The following ZBBX variants were observed in gnomAD, a reference collection of about 807,000 sequenced individuals.
The protein encoded by ZBBX is zinc finger B-box domain-containing protein 1.
Under a neutral mutation model 108.5 loss-of-function variants are expected in ZBBX, and 101 were observed. The observed-to-expected ratio is 0.93, with a 90% confidence interval of 0.79 to 1.10. ZBBX has a LOEUF of 1.10. Among genes scored for constraint, ZBBX ranks in the 50% least tolerant of loss-of-function variants. ZBBX has a pLI of 0.00. For synonymous variants in ZBBX, 356 were observed against 323.4 expected, an observed-to-expected ratio of 1.10 and a Z score of -1.08; for missense variants, 1,009 against 941.4, an observed-to-expected ratio of 1.07 and a Z score of -0.94.
intron 17 of ZBBX, among the ~76,000 whole-genome samples, chr3:167,303,182 T>C (rs1214779951): frequency 6.6e-6 from 1 of 152,216 alleles, no homozygotes; most frequent in Non-Finnish European, 1.5e-5. Context: ...AATTGGATTT[T>C]CTATGGTCCC....
intron 17 of ZBBX, among the ~76,000 whole-genome samples, chr3:167,300,233 C>T (rs1324270284): frequency 6.6e-6 from 1 of 152,080 alleles, no homozygotes; most frequent in African/African-American, 2.4e-5. Flanking sequence ...TTTTAAAATC[C>T]TATGACAGAT....
At chr3:167,402,425 C>G (rs907169961) in intron 1 of ZBBX, among the ~76,000 whole-genome samples, 1 of 152,134 alleles carries the variant, frequency 6.6e-6, no homozygotes, top group Non-Finnish European at 1.5e-5. Flanking sequence ...TCTGAACAAT[C>G]AACTCCCACT....
chr3:167,382,396 C>T (rs368864673), upstream of ZBBX, among the ~76,000 whole-genome samples: 1 of 152,172 alleles, frequency 6.6e-6, no homozygotes, highest in East Asian at 1.9e-4. Flanking sequence ...AACTGGCACA[C>T]CAGCAATGCC....
At chr3:167,300,688 T>C (rs544750143) in intron 17 of ZBBX, among the ~76,000 whole-genome samples, 1 of 149,812 alleles carries the variant, frequency 6.7e-6, no homozygotes, top group Non-Finnish European at 1.5e-5. Flanking sequence ...CAGCTCACTA[T>C]AACCTCCGCC....
At chr3:167,378,894 A>G (rs1295336888) in intron 2 of ZBBX, among the ~76,000 whole-genome samples, 1 of 151,532 alleles carries the variant, frequency 6.6e-6, no homozygotes, top group East Asian at 1.9e-4. Context: ...TGTTTATTAA[A>G]CTCATTTGCT....
intron 20 of ZBBX, among the ~76,000 whole-genome samples, chr3:167,263,341 G>A (rs1344147255): frequency 6.6e-6 from 1 of 151,922 alleles, no homozygotes; most frequent in East Asian, 1.9e-4. Context: ...TTTTGTTTTT[G>A]TTTTTATTTC....
the ZBBX span, among the ~76,000 whole-genome samples, chr3:167,201,700 A>T: frequency 6.6e-6 from 1 of 152,158 alleles, no homozygotes; most frequent in African/African-American, 2.4e-5. Context: ...GGGTGCGTCA[A>T]ACTCCAGGAG....
At chr3:167,354,573 A>G (rs1171991541) in intron 8 of ZBBX, among the ~76,000 whole-genome samples, 1 of 151,918 alleles carries the variant, frequency 6.6e-6, no homozygotes, top group Admixed American at 6.6e-5. Flanking sequence ...CTTCTAGAGA[A>G]ATGATAAAAA....
chr3:167,362,093 G>A (rs1331409422), intron 6 of ZBBX, among the ~76,000 whole-genome samples: 1 of 151,988 alleles, frequency 6.6e-6, no homozygotes, highest in African/African-American at 2.4e-5. Flanking sequence ...AAGGGTTGGA[G>A]GTAGGGTTGA....
the ZBBX span, among the ~76,000 whole-genome samples, chr3:167,210,701 G>A: frequency 6.6e-6 from 1 of 152,164 alleles, no homozygotes; most frequent in African/African-American, 2.4e-5. Context: ...ACATCTGGCA[G>A]AAGACTTTTC....
intron 20 of ZBBX, among the ~76,000 whole-genome samples, chr3:167,257,455 T>C (rs1440193660): frequency 1.3e-5 from 2 of 152,232 alleles, no homozygotes; most frequent in African/African-American, 4.8e-5. Flanking sequence ...ATTAACAGCA[T>C]AGTTATGTTT....
chr3:167,330,621 G>C (rs1738266880), intron 10 of ZBBX, among the ~76,000 whole-genome samples: 1 of 151,822 alleles, frequency 6.6e-6, no homozygotes, highest in South Asian at 2.1e-4. Context: ...GTTGGACGTG[G>C]TGGTATGCAC....
intron 6 of ZBBX, among the ~76,000 whole-genome samples, chr3:167,365,351 C>G (rs1013710256): frequency 2.6e-5 from 4 of 151,622 alleles, no homozygotes; most frequent in African/African-American, 9.7e-5. Flanking sequence ...TGATTTTCAT[C>G]TTAAATATAA....
At chr3:167,377,725 T>C (rs1747185164) in intron 2 of ZBBX, among the ~76,000 whole-genome samples, 2 of 152,082 alleles carry the variant, frequency 1.3e-5, no homozygotes, top group African/African-American at 2.4e-5. Context: ...GAACTGATAA[T>C]ACATGATTTC....
chr3:167,221,131 A>C, the ZBBX span, among the ~76,000 whole-genome samples: 1 of 152,010 alleles, frequency 6.6e-6, no homozygotes, highest in African/African-American at 2.4e-5. Flanking sequence ...CTATGTTCAT[A>C]CTATGTAAAG....
intron 19 of ZBBX, among the ~76,000 whole-genome samples, chr3:167,285,368 A>G (rs1276184554): frequency 1.3e-5 from 2 of 152,162 alleles, no homozygotes; most frequent in Non-Finnish European, 2.9e-5. Context: ...TTATCAAAGG[A>G]CCCAGTATTT....
intron 7 of ZBBX, 135 bp downstream of exon 7, chr3:167,360,540 T>C: frequency 4.5e-6 from 2 of 445,452 alleles, no homozygotes. Flanking sequence ...ATGTTGAAAA[T>C]CAATGTGTCA....
At chr3:167,205,802 A>G in the ZBBX span, among the ~76,000 whole-genome samples, 1 of 152,202 alleles carries the variant, frequency 6.6e-6, no homozygotes, top group Non-Finnish European at 1.5e-5. Flanking sequence ...ATCTCAGAAT[A>G]AAATAGTAAT....
chr3:167,204,198 C>CTTTTTTTTTTTTTTTT, the ZBBX span, among the ~76,000 whole-genome samples: 1 of 118,094 alleles, frequency 8.5e-6, no homozygotes, highest in Non-Finnish European at 1.8e-5. Flanking sequence ...TTCTTTTTTT[C>CTTTTTTTTTTTTTTTT]TTTTTTTTTT....
Sources: allele counts gnomAD v4.1 joint callset (sites outside exome capture counted in the v4.1 genomes callset), GRCh38; gene constraint gnomAD v4.1.1; transcripts MANE v1.5; gene names NCBI Gene and HGNC (gene_info 2026-07-23, HGNC 2026-07-21).